Variants in RPS6KL1 observed in about 807,000 individuals in gnomAD.
The protein encoded by RPS6KL1 is ribosomal protein S6 kinase-like 1.
RPS6KL1 carries 41 observed loss-of-function variants against 57.0 expected under a neutral mutation model. The ratio of observed to expected loss-of-function variants is 0.72; its 90% CI spans 0.56 to 0.93. The LOEUF (loss-of-function observed/expected upper bound fraction) is 0.93. Ranked by LOEUF, RPS6KL1 falls within the 40% of genes least tolerant of loss-of-function variation. RPS6KL1 has a pLI of 0.00. For synonymous variants in RPS6KL1, 287 were observed against 309.7 expected (o/e 0.93, Z 0.77); for missense variants, 697 against 727.7 (o/e 0.96, Z 0.49).
rs116533082 is a variant in RPS6KL1, at chr14:74,922,054, T to C, written c.-97A>G. On this transcript the variant is annotated 5_prime_UTR_variant, in exon 2 of 12. Transcript: ENST00000557413. Reference sequence around the variant, plus strand: ...TCGGCCTCCCACAGTGCTGGGATTATAGACGTGAGCCACCGCGCAGGCCTG... The same window carrying C: ...TCGGCCTCCCACAGTGCTGGGATTACAGACGTGAGCCACCGCGCAGGCCTG... 2,439 of 407,688 alleles carry C rather than the reference T, an allele frequency of 6.0e-3. 46 individuals are homozygous for C. Among genetic ancestry groups the C allele is most frequent in the African/African-American group, 0.037 (1,714 of 46,048 alleles). 25.3% of individuals were successfully genotyped at this position (407,688 alleles called of 1,614,324 possible). A position where few individuals can be genotyped will look rare whatever the true frequency, so the allele number is the denominator to read the frequency against.
intron 5 of RPS6KL1, 140 bp downstream of exon 5, chr14:74,918,373 C>T (rs1167816249): frequency 6.7e-6 from 4 of 594,036 alleles, no homozygotes; most frequent in Non-Finnish European, 1.2e-5. Context: ...GCACTCCCCA[C>T]TGACCCCTGC....
intron 5 of RPS6KL1, among the ~76,000 whole-genome samples, 176 bp from the exon 6 acceptor site, chr14:74,912,017 C>T (rs1432547953): frequency 6.6e-6 from 1 of 152,136 alleles, no homozygotes; most frequent in African/African-American, 2.4e-5. Flanking sequence ...CCTGCTCACC[C>T]ACCCCTGCTA....
chr14:74,907,766 C>T (rs1885168559), intron 10 of RPS6KL1, among the ~76,000 whole-genome samples: 1 of 152,196 alleles, frequency 6.6e-6, no homozygotes, highest in Admixed American at 6.5e-5. Flanking sequence ...GGGTTTGAAC[C>T]TAGGTCTCTT....
At position 74,919,784 on chromosome 14, in the gene RPS6KL1, C is replaced by T. The variant is rs558884838; in HGVS notation, c.390+61G>A. 143 of 1,583,402 alleles carry T rather than the reference C, an allele frequency of 9.0e-5. 1 individual carries two copies. The South Asian group carries it at 1.2e-3, about 14-fold the overall frequency. ...GCGGGCCTGTGGGTGTCGGGGCCTC[C>T]GCAGTCTCCCCTCAGAGCCCTCCTC... On this transcript the variant is annotated intron_variant, in intron 4 of 11. Coordinates refer to ENST00000557413, the MANE Select transcript of RPS6KL1 (RefSeq NM_031464.5).
chr14:74,919,730 C>T (rs1196442483), intron 4 of RPS6KL1, 115 bp downstream of exon 4: 5 of 1,163,616 alleles, frequency 4.3e-6, no homozygotes, highest in Non-Finnish European at 3.6e-6. Context: ...TAATGACTTC[C>T]ACTGCCGGCC....
At chr14:74,911,420 C>A (rs756375590) in intron 6 of RPS6KL1, 40 bp from the exon 7 acceptor site, 41 of 1,585,310 alleles carry the variant, frequency 2.6e-5, no homozygotes, top group Middle Eastern at 1.9e-4. Context: ...GGGGACAGGC[C>A]AGAGACTGCT....
Position 74,906,982 on chromosome 14 carries a change from G to A in RPS6KL1, c.*32C>T, listed in dbSNP as rs771444797. On this transcript the variant is annotated 3_prime_UTR_variant, in exon 12 of 12. Coordinates refer to ENST00000557413, the MANE Select transcript of RPS6KL1 (RefSeq NM_031464.5). Reference sequence around the variant, plus strand: ...CAAGGAGGAGAGGCGATCCAGACCAGGCCAGCTGCTTCCGTCACCCGCTCT... The same window carrying A: ...CAAGGAGGAGAGGCGATCCAGACCAAGCCAGCTGCTTCCGTCACCCGCTCT... The A allele has an allele frequency of 5.3e-6, 8 of 1,522,364 alleles. No homozygotes were observed. In the South Asian group the frequency reaches 8.1e-5, roughly 15 times the overall value. 94.3% of individuals were successfully genotyped at this position (1,522,364 alleles called of 1,614,324 possible). A position where few individuals can be genotyped will look rare whatever the true frequency, so the allele number is the denominator to read the frequency against.
chr14:74,917,195 G>A (rs577083824), intron 5 of RPS6KL1, among the ~76,000 whole-genome samples: 5 of 152,356 alleles, frequency 3.3e-5, no homozygotes, highest in South Asian at 2.1e-4. Flanking sequence ...CATCAAGCAC[G>A]TACTCAGTGT....
intron 3 of RPS6KL1, 124 bp downstream of exon 3, chr14:74,921,151 GCA>G: frequency 1.2e-6 from 1 of 807,864 alleles, no homozygotes; most frequent in Non-Finnish European, 2.0e-6. Context: ...TGGAGGCCCT[GCA>G]GGCCAGCATA....
chr14:74,910,256 C>G (rs1885700918), intron 7 of RPS6KL1, 108 bp from the exon 8 acceptor site: 1 of 1,335,162 alleles, frequency 7.5e-7, no homozygotes, highest in Non-Finnish European at 1.0e-6. Context: ...CGCAGACTTT[C>G]CGCCTCTGGG....
At chr14:74,919,539 T>C (rs1218738390) in intron 4 of RPS6KL1, among the ~76,000 whole-genome samples, 1 of 152,060 alleles carries the variant, frequency 6.6e-6, no homozygotes, top group African/African-American at 2.4e-5. Flanking sequence ...AGCGTGTAAA[T>C]TGAACGGTGT....
At chr14:74,919,823 T>TG in intron 4 of RPS6KL1, 22 bp downstream of exon 4, 3 of 1,509,902 alleles carry the variant, frequency 2.0e-6, no homozygotes, top group African/African-American at 3.1e-5. Flanking sequence ...CTCAGGCCTT[T>TG]GGGTGGGGGG....
In RPS6KL1 at chr14:74,907,135, A is replaced by G. The variant is rs754970098; in HGVS notation, c.1540-11T>C. On this transcript the variant is annotated splice_polypyrimidine_tract_variant and intron_variant, in intron 11 of 11. Coordinates refer to ENST00000557413, the MANE Select transcript of RPS6KL1 (RefSeq NM_031464.5). ...CTCGAACTGCAGCAGCTGCAGAGAG[A>G]GGCCCAGTCAGCTGGGCCACTCCAG... 4.3e-5 allele frequency: 68 copies of G among 1,598,036 alleles called. No homozygotes were observed. The highest frequency in any genetic ancestry group is 5.6e-5 in the Non-Finnish European group (66 of 1,171,158).
rs920372024 is a variant in RPS6KL1 at position 74,906,454 on chromosome 14, C to T, written c.*560G>A. The T allele has an allele frequency of 6.8e-5, 29 of 424,054 alleles. No homozygotes were observed. Among genetic ancestry groups the T allele is most frequent in the Admixed American group, 5.6e-4 (23 of 41,006 alleles). 26.3% of individuals were successfully genotyped at this position (424,054 alleles called of 1,614,324 possible). On this transcript the variant is annotated 3_prime_UTR_variant, in exon 12 of 12. Transcript: ENST00000557413. The stretch of plus-strand genomic sequence containing the variant: ...TCATCCTGTCCCCTACCTCATCCCT[C>T]CCTGCACAACAGATGGCATCCCTGC...
At position 74,904,923 on chromosome 14, in the gene RPS6KL1, G is replaced by A. The variant is rs768772367; in HGVS notation, c.*2091C>T. On this transcript the variant is annotated 3_prime_UTR_variant, in exon 12 of 12. Coordinates refer to ENST00000557413, the MANE Select transcript of RPS6KL1 (RefSeq NM_031464.5). ...CTTTTCCAGAGTCCCTGTCTGCTGA[G>A]CTCTTGCAGTGAGGCCATCCCTCTG... 22 of 152,230 alleles carry A rather than the reference G, an allele frequency of 1.4e-4. No homozygotes were observed. The highest frequency in any genetic ancestry group is 2.6e-4 in the Non-Finnish European group (18 of 68,068). 9.4% of individuals were successfully genotyped at this position (152,230 alleles called of 1,614,324 possible).
intron 11 of RPS6KL1, 123 bp from the exon 12 acceptor site, chr14:74,907,247 C>T: frequency 1.5e-6 from 2 of 1,371,796 alleles, no homozygotes; most frequent in Middle Eastern, 2.5e-4. Context: ...CCACAGAACC[C>T]CCATTTTACC....
At chr14:74,907,854 CT>C (rs1659410163) in intron 10 of RPS6KL1, among the ~76,000 whole-genome samples, 1 of 152,212 alleles carries the variant, frequency 6.6e-6, no homozygotes, top group Non-Finnish European at 1.5e-5. Context: ...TGGAACTTGT[CT>C]CCTTATTTTA....
Position 74,906,764 on chromosome 14 carries a change from T to G in RPS6KL1, c.*250A>C. On this transcript the variant is annotated 3_prime_UTR_variant, in exon 12 of 12. Coordinates refer to ENST00000557413, the MANE Select transcript of RPS6KL1 (RefSeq NM_031464.5). The stretch of plus-strand genomic sequence containing the variant: ...CATGCTCAACGGGTCTGTTGACTGA[T>G]GGGTAGATGGTTCAAGCTGCTTAGC... 3 of 657,514 alleles carry G rather than the reference T, an allele frequency of 4.6e-6. No homozygotes were observed. The highest frequency in any genetic ancestry group is 8.6e-6 in the Non-Finnish European group (3 of 348,874). The allele number at this position is 657,514 out of a possible 1,614,324, so 40.7% of individuals were successfully genotyped here. A position where few individuals can be genotyped will look rare whatever the true frequency, so the allele number is the denominator to read the frequency against.
At chr14:74,910,274 G>T in intron 7 of RPS6KL1, 126 bp from the exon 8 acceptor site, 1 of 1,091,270 alleles carries the variant, frequency 9.2e-7, no homozygotes, top group Non-Finnish European at 1.3e-6. Flanking sequence ...GGGTGTCCTG[G>T]CCTAGTTCAG....
Sources: allele counts gnomAD v4.1 joint callset (sites outside exome capture counted in the v4.1 genomes callset), GRCh38; gene constraint gnomAD v4.1.1; transcripts MANE v1.5; gene names NCBI Gene and HGNC (gene_info 2026-07-23, HGNC 2026-07-21).